The following PCDHGA3 variants were observed in gnomAD, a reference collection of about 807,000 sequenced individuals.
The protein encoded by PCDHGA3 is protocadherin gamma subfamily A, 3, also known as protocadherin gamma-A3.
PCDHGA3 carries 40 observed loss-of-function variants against 58.5 expected under a neutral mutation model. The observed-to-expected ratio is 0.68, with a 90% CI of 0.53 to 0.89. The LOEUF is 0.89. Among genes scored for constraint, PCDHGA3 ranks in the 40% least tolerant of loss-of-function variants. PCDHGA3 has a pLI of 0.00. For missense variants in PCDHGA3, 1,223 were observed against 1,195.9 expected (o/e 1.02, Z -0.33); for synonymous variants, 530 against 525.7 (o/e 1.01, Z -0.11).
rs773624580 is a variant in PCDHGA3 at position 141,489,715 on chromosome 5, G to A, written c.2425-5092G>A. On this transcript the variant is annotated intron_variant, in intron 1 of 3. Transcript: ENST00000253812. The surrounding 1 kb of genome is among the most constrained non-coding windows in gnomAD (Gnocchi z 4.5). ...ACGATTCCCACTGGACAGTGCCCAG[G>A]ATCCGGATGTGGGCACCAATACTGT... The A allele has an allele frequency of 6.2e-6, 10 of 1,614,004 alleles. No homozygotes were observed. The highest frequency in any genetic ancestry group is 2.2e-5 in the East Asian group (1 of 44,886).
intron 1 of PCDHGA3, chr5:141,421,032 C>A: frequency 1.9e-6 from 1 of 533,288 alleles, no homozygotes; most frequent in Non-Finnish European, 3.3e-6. Flanking sequence ...GCCATTGAGT[C>A]CCTCCCTCCC....
Position 141,490,013 on chromosome 5 carries a change from G to A in PCDHGA3, c.2425-4794G>A. 6.2e-7 allele frequency: 1 copy of A among 1,614,206 alleles called. No individual in the cohort carries two copies. The highest frequency in any genetic ancestry group is 1.1e-5 in the South Asian group (1 of 91,088). Reference sequence around the variant, plus strand: ...GGAATCCCAGAGAATGCACCCATTGGTACTCTGCTGCTCCGCCTCAATGCC... The same window carrying A: ...GGAATCCCAGAGAATGCACCCATTGATACTCTGCTGCTCCGCCTCAATGCC... On this transcript the variant is annotated intron_variant, in intron 1 of 3. Transcript: ENST00000253812. This position sits in a 1 kb window ranked among gnomAD's most constrained non-coding sequence, Gnocchi z 5.4.
Position 141,398,834 on chromosome 5 carries a change from A to G in PCDHGA3, c.2424+52377A>G, listed in dbSNP as rs201953825. On this transcript the variant is annotated intron_variant, in intron 1 of 3. Transcript: ENST00000253812. Reference sequence around the variant, plus strand: ...CTCCGGATCCAGGTAACCGACGCCAATGATAATCCCCCGGTATTCAACCGA... The same window carrying G: ...CTCCGGATCCAGGTAACCGACGCCAGTGATAATCCCCCGGTATTCAACCGA... The G allele has an allele frequency of 3.9e-4, 623 of 1,614,014 alleles. 4 individuals are homozygous for G. In the South Asian group the frequency reaches 4.2e-3, roughly 11 times the overall value.
At chr5:141,383,391 G>A (rs764733462) in intron 1 of PCDHGA3, 7 of 1,613,978 alleles carry the variant, frequency 4.3e-6, no homozygotes. Context: ...ATGTGGGCAC[G>A]AACTCCCTCC....
intron 1 of PCDHGA3, among the ~76,000 whole-genome samples, chr5:141,436,594 G>T (rs79477223): frequency 0.052 from 7,980 of 152,210 alleles, 223 homozygotes; most frequent in South Asian, 0.079. Flanking sequence ...AAAGGTCGTG[G>T]TGATGGCTAG....
rs1435240793 is a variant in PCDHGA3 at position 141,402,906 on chromosome 5, CA to C, written c.2424+56450del. ...GGGTGGAAGAAAGAACCTGATGAAG[CA>C]GCGCGCACAGAGATCCTTTTGAGAA... On this transcript the variant is annotated intron_variant, in intron 1 of 3. Coordinates refer to ENST00000253812, the MANE Select transcript of PCDHGA3 (RefSeq NM_018916.4). The C allele has an allele frequency of 3.9e-6, 6 of 1,529,062 alleles. No homozygotes were observed. The African/African-American group carries it at 8.3e-5, about 21-fold the overall frequency. 94.7% of individuals were successfully genotyped at this position (1,529,062 alleles called of 1,614,324 possible). A position where few individuals can be genotyped will look rare whatever the true frequency, so the allele number is the denominator to read the frequency against.
chr5:141,384,754 G>A, intron 1 of PCDHGA3: 1 of 1,614,042 alleles, frequency 6.2e-7, no homozygotes, highest in Non-Finnish European at 8.5e-7. Flanking sequence ...ACTCTTTGCG[G>A]TTGGGCTGTA....
chr5:141,409,751 C>G lies in PCDHGA3; in HGVS notation c.2424+63294C>G, dbSNP rs774810318. The G allele has an allele frequency of 1.5e-5, 25 of 1,613,000 alleles. No homozygotes were observed. In the Admixed American group the frequency reaches 4.0e-4, roughly 26 times the overall value. The stretch of plus-strand genomic sequence containing the variant: ...CGCGCAGAGCGGGGTGGTGTTCGCG[C>G]AGCGCGCCTTTGATCACGAGCAGCT... On this transcript the variant is annotated intron_variant, in intron 1 of 3. Coordinates refer to ENST00000253812, the MANE Select transcript of PCDHGA3 (RefSeq NM_018916.4).
chr5:141,418,107 A>C, intron 1 of PCDHGA3: 1 of 1,614,036 alleles, frequency 6.2e-7, no homozygotes, highest in Non-Finnish European at 8.5e-7. Flanking sequence ...CAGAGCGGGG[A>C]CTTACTTGTG....
intron 2 of PCDHGA3, among the ~76,000 whole-genome samples, chr5:141,495,685 T>TA (rs758775501): frequency 1.3e-5 from 2 of 152,210 alleles, no homozygotes; most frequent in African/African-American, 2.4e-5. Context: ...TGCCATGGCA[T>TA]AAGTGCTCAA....
chr5:141,353,819 G>A (rs149485600), intron 1 of PCDHGA3, among the ~76,000 whole-genome samples: 40 of 152,124 alleles, frequency 2.6e-4, no homozygotes, highest in African/African-American at 9.2e-4. Context: ...TCAATCATCC[G>A]CAGTTTGTGC....
At chr5:141,465,831 T>A (rs997004387) in intron 1 of PCDHGA3, among the ~76,000 whole-genome samples, 1 of 151,980 alleles carries the variant, frequency 6.6e-6, no homozygotes, top group African/African-American at 2.4e-5. Context: ...TTGTTTAAAA[T>A]TTCAACTGAG....
intron 1 of PCDHGA3, chr5:141,427,894 C>T (rs974220302): frequency 1.3e-6 from 2 of 1,568,222 alleles, no homozygotes; most frequent in East Asian, 2.2e-5. Flanking sequence ...GACCAGGGCT[C>T]GCCCGCGCTC....
At position 141,351,194 on chromosome 5, in the gene PCDHGA3, G is replaced by A. The variant is rs1434678483; in HGVS notation, c.2424+4737G>A. ...GGATTTTGAAGAGACAAGTAGATAT[G>A]TGTTGAGTGTGGAAGCTAAGGATGG... On this transcript the variant is annotated intron_variant, in intron 1 of 3. Transcript: ENST00000253812. 5.0e-6 allele frequency: 8 copies of A among 1,613,944 alleles called. No homozygotes were observed. Among genetic ancestry groups the A allele is most frequent in the Non-Finnish European group, 6.8e-6 (8 of 1,179,900 alleles).
rs763451417 is a variant in PCDHGA3, at chr5:141,408,628, T to G, written c.2424+62171T>G. On this transcript the variant is annotated intron_variant, in intron 1 of 3. Transcript: ENST00000253812. The stretch of plus-strand genomic sequence containing the variant: ...ATAAAAAGGAAATACATTTAGAAAT[T>G]TTCGAATCTGCATCCGCTGGTACAC... The G allele has an allele frequency of 3.7e-6, 6 of 1,613,920 alleles. No individual in the cohort carries two copies. In the Admixed American group the frequency reaches 1.0e-4, roughly 27 times the overall value.
At chr5:141,387,435 A>G (rs988959651) in intron 1 of PCDHGA3, among the ~76,000 whole-genome samples, 1 of 152,240 alleles carries the variant, frequency 6.6e-6, no homozygotes, top group African/African-American at 2.4e-5. Flanking sequence ...ATGTTTATGT[A>G]CTTAATCTAC....
At chr5:141,381,826 C>CTTTTTTTTTTTTT (rs770630741) in intron 1 of PCDHGA3, among the ~76,000 whole-genome samples, 10 of 74,294 alleles carry the variant, frequency 1.3e-4, no homozygotes, top group Non-Finnish European at 1.9e-4. Context: ...CTTTCTTCTT[C>CTTTTTTTTTTTTT]TTTTTTTTTT....
chr5:141,414,657 C>T (rs1313928067), intron 1 of PCDHGA3: 1 of 1,614,004 alleles, frequency 6.2e-7, no homozygotes, highest in Admixed American at 1.7e-5. Context: ...TTATTTACTC[C>T]CTGGCTGAAG....
chr5:141,434,938 A>G (rs938787407), intron 1 of PCDHGA3, among the ~76,000 whole-genome samples: 2 of 151,738 alleles, frequency 1.3e-5, no homozygotes, highest in Admixed American at 1.3e-4. Flanking sequence ...TATATAATAG[A>G]TATAATTTAT....
Sources: gnomAD v4.1 joint callset for allele counts (sites outside exome capture counted in the v4.1 genomes callset) on GRCh38, gnomAD v4.1.1 for gene constraint, Gnocchi (gnomAD v3.1) non-coding constraint, MANE v1.5 for transcripts, NCBI Gene and HGNC (gene_info 2026-07-23, HGNC 2026-07-21) for gene names.